Variants in ETFBKMT observed in about 807,000 individuals in gnomAD.
ETFBKMT encodes the protein electron transfer flavoprotein subunit beta lysine methyltransferase.
ETFBKMT carries 13 observed loss-of-function variants against 18.3 expected under a neutral mutation model. That is an observed-to-expected ratio of 0.71 (90% CI 0.46 to 1.13). The LOEUF (loss-of-function observed/expected upper bound fraction) is 1.13. Ranked by LOEUF, ETFBKMT falls within the 50% of genes most tolerant of loss-of-function variation. The pLI, the probability that ETFBKMT is intolerant of heterozygous loss-of-function variation, is 0.00. For synonymous variants in ETFBKMT, 84 were observed against 107.9 expected (o/e 0.78, Z 1.37); for missense variants, 293 against 306.2 (o/e 0.96, Z 0.32).
upstream of ETFBKMT, among the ~76,000 whole-genome samples, chr12:31,655,529 T>C (rs2035563981): frequency 6.6e-6 from 1 of 152,212 alleles, no homozygotes; most frequent in Non-Finnish European, 1.5e-5. Flanking sequence ...TTATAAGCCT[T>C]ATCTTCCCAA....
chr12:31,664,939 C>G (rs547483550), intron 2 of ETFBKMT, among the ~76,000 whole-genome samples: 1 of 121,508 alleles, frequency 8.2e-6, no homozygotes, highest in Non-Finnish European at 1.7e-5. Context: ...TTCTTTCTTT[C>G]TTTTTTTTTT....
chr12:31,672,557 T>C lies in ETFBKMT; in HGVS notation c.*4567T>C, dbSNP rs1171532707. ...AATTAATTAATGGTAGCCCTCACTA[T>C]TATTAGGTGTAGTGCACCTATCATG... On this transcript the variant is annotated 3_prime_UTR_variant, in exon 4 of 4. Transcript: ENST00000357721. 7.2e-6 allele frequency: 4 copies of C among 553,546 alleles called. No homozygotes were observed. The highest frequency in any genetic ancestry group is 1.3e-5 in the Non-Finnish European group (4 of 310,208). The allele number at this position is 553,546 out of a possible 1,614,324, so 34.3% of individuals were successfully genotyped here.
In ETFBKMT at chr12:31,666,160, G is replaced by A. The variant is rs1255476368; in HGVS notation, c.388G>A (p.Ala130Thr). 1 of 1,613,972 alleles carries A rather than the reference G, an allele frequency of 6.2e-7. No individual in the cohort carries two copies. The highest frequency in any genetic ancestry group is 1.3e-5 in the African/African-American group (1 of 74,920). Residue 130 changes from alanine (A) to threonine (T), a missense_variant, in exon 3 of 4, where the codon GCT (alanine) becomes ACT (threonine). Transcript: ENST00000357721. The part of the protein sequence containing the change: ...LDLGSGCGAT[A>T]IAAKMSGASR... ...TCTTGGGAGTGGATGTGGAGCTACAGCTATTGCTGCTAAGATGAGTGGGGC... is the reference window on the plus strand; with the variant it reads ...TCTTGGGAGTGGATGTGGAGCTACAACTATTGCTGCTAAGATGAGTGGGGC...
upstream of ETFBKMT, among the ~76,000 whole-genome samples, chr12:31,654,410 T>C (rs7302229): frequency 0.22 from 33,854 of 152,164 alleles, 4,615 homozygotes; most frequent in Non-Finnish European, 0.31. Flanking sequence ...GATCTAGCCA[T>C]TGCACTCCTA....
rs1202932058 is a variant in ETFBKMT, at chr12:31,668,814, C to T, written c.*824C>T. 1 of 152,152 alleles carries T rather than the reference C, an allele frequency of 6.6e-6. No homozygotes were observed. Among genetic ancestry groups the T allele is most frequent in the African/African-American group, 2.4e-5 (1 of 41,430 alleles). 9.4% of individuals were successfully genotyped at this position (152,152 alleles called of 1,614,324 possible). ...GCCTGACGATGTTTTTTACTTCTAT[C>T]ACTTCCTTTTGATTTTTTCTTATAG... On this transcript the variant is annotated 3_prime_UTR_variant, in exon 4 of 4. Coordinates refer to ENST00000357721, the MANE Select transcript of ETFBKMT (RefSeq NM_001135863.2).
chr12:31,657,081 G>T (rs767045755), upstream of ETFBKMT, among the ~76,000 whole-genome samples: 1 of 152,158 alleles, frequency 6.6e-6, no homozygotes, highest in Non-Finnish European at 1.5e-5. Flanking sequence ...ATGTGTCCAA[G>T]ATCATACAGT....
In ETFBKMT at chr12:31,661,394, A is replaced by G. The variant is rs545379118; in HGVS notation, c.-113-447A>G. On this transcript the variant is annotated intron_variant, in intron 1 of 3. Coordinates refer to ENST00000357721, the MANE Select transcript of ETFBKMT (RefSeq NM_001135863.2). ...CATTTAAAAAGATTGGATTTTCCCAATTGATGCACCAAAGCTTTCATCTGA... is the reference window on the plus strand; with the variant it reads ...CATTTAAAAAGATTGGATTTTCCCAGTTGATGCACCAAAGCTTTCATCTGA... Among the ~76,000 whole-genome samples the G allele has an allele frequency of 5.3e-5, 8 of 152,362 alleles. 1 individual carries two copies. The highest frequency in any genetic ancestry group is 1.9e-4 in the African/African-American group (8 of 41,582).
chr12:31,647,646 T>C (rs963020725), intron 1 of ETFBKMT, among the ~76,000 whole-genome samples: 1 of 152,082 alleles, frequency 6.6e-6, no homozygotes, highest in African/African-American at 2.4e-5. Flanking sequence ...CTGGCCAACA[T>C]GGCAAAACCC....
intron 3 of ETFBKMT, among the ~76,000 whole-genome samples, chr12:31,667,226 C>T (rs898130163): frequency 1.3e-5 from 2 of 152,114 alleles, no homozygotes; most frequent in Non-Finnish European, 2.9e-5. Flanking sequence ...AACTCCTGAC[C>T]TCAGGTGATC....
intron 2 of ETFBKMT, among the ~76,000 whole-genome samples, chr12:31,663,420 T>C (rs903666255): frequency 6.6e-6 from 1 of 151,788 alleles, no homozygotes; most frequent in African/African-American, 2.4e-5. Flanking sequence ...GAGACAGGGT[T>C]TCACCATGTT....
chr12:31,655,604 C>T (rs1024599337), upstream of ETFBKMT, among the ~76,000 whole-genome samples: 3 of 152,212 alleles, frequency 2.0e-5, no homozygotes, highest in African/African-American at 7.2e-5. Flanking sequence ...ATAATGAATT[C>T]TTCCTTTACT....
At chr12:31,661,577 G>A (rs1787450790) in intron 1 of ETFBKMT, among the ~76,000 whole-genome samples, 1 of 151,920 alleles carries the variant, frequency 6.6e-6, no homozygotes, top group Non-Finnish European at 1.5e-5. Context: ...CCGGGTTCAA[G>A]CAATTCTCAA....
chr12:31,661,908 A>G lies in ETFBKMT; in HGVS notation c.-46A>G, dbSNP rs1565749022. 1.9e-6 allele frequency: 3 copies of G among 1,564,286 alleles called. No homozygotes were observed. The highest frequency in any genetic ancestry group is 2.6e-6 in the Non-Finnish European group (3 of 1,142,410). The stretch of plus-strand genomic sequence containing the variant: ...TGTTCATTCTCCTTGAGAAGCAGCT[A>G]TTATCAACAGAACATTGACAGAACC... On this transcript the variant is annotated 5_prime_UTR_variant, in exon 2 of 4. Transcript: ENST00000357721.
At chr12:31,647,187 C>T (rs1208041781) in exon 1 of ETFBKMT, 1 of 152,408 alleles carries the variant, frequency 6.6e-6, no homozygotes, top group African/African-American at 2.4e-5. Context: ...GCCTCTAAGC[C>T]TCACAGTCCA....
chr12:31,658,872 C>A (rs1284655140), upstream of ETFBKMT, among the ~76,000 whole-genome samples: 1 of 150,092 alleles, frequency 6.7e-6, no homozygotes, highest in Non-Finnish European at 1.5e-5. Context: ...AAAGGACATT[C>A]ATTATGATTT....
At chr12:31,664,432 G>A (rs569994840) in intron 2 of ETFBKMT, among the ~76,000 whole-genome samples, 3 of 152,106 alleles carry the variant, frequency 2.0e-5, no homozygotes, top group East Asian at 1.9e-4. Flanking sequence ...CGTGGTGCTC[G>A]GTAGTTTCTG....
intron 1 of ETFBKMT, among the ~76,000 whole-genome samples, chr12:31,653,755 C>T (rs1372927938): frequency 6.6e-6 from 1 of 152,150 alleles, no homozygotes; most frequent in Non-Finnish European, 1.5e-5. Flanking sequence ...TGAGACCAGC[C>T]TGGCCAACAT....
At chr12:31,661,808 A>G in intron 1 of ETFBKMT, 33 bp from the exon 2 acceptor site, 1 of 745,750 alleles carries the variant, frequency 1.3e-6, no homozygotes, top group Non-Finnish European at 2.2e-6. Flanking sequence ...TCTTCCTCAG[A>G]ATTCTCAGTA....
Position 31,662,154 on chromosome 12 carries a change from C to G in ETFBKMT, c.201C>G (p.Ile67Met), listed in dbSNP as rs554999013. Residue 67 changes from isoleucine (I) to methionine (M), a missense_variant, in exon 2 of 4, where the codon ATC becomes ATG. Physicochemically the swap from Ile to Met is conservative, Grantham distance 10 (BLOSUM62 1). Coordinates refer to ENST00000357721, the MANE Select transcript of ETFBKMT (RefSeq NM_001135863.2). ...VTSSGSLTPE[I>M]QLRLLTPRCK... is the part of the protein sequence containing the mutation. Reference sequence around the variant, plus strand: ...GCAGTGGTAGCCTCACCCCTGAAATCCAGTTGCGGCTTTTGACCCCCAGAT... The same window carrying G: ...GCAGTGGTAGCCTCACCCCTGAAATGCAGTTGCGGCTTTTGACCCCCAGAT... The G allele has an allele frequency of 1.2e-6, 2 of 1,614,240 alleles. No individual in the cohort carries two copies. Among genetic ancestry groups the G allele is most frequent in the South Asian group, 2.2e-5 (2 of 91,090 alleles).
Sources: gnomAD v4.1 joint callset for allele counts (sites outside exome capture counted in the v4.1 genomes callset) on GRCh38, gnomAD v4.1.1 for gene constraint, MANE v1.5 for transcripts, NCBI Gene and HGNC (gene_info 2026-07-23, HGNC 2026-07-21) for gene names.